The following SND1 variants were observed in gnomAD, a reference collection of about 807,000 sequenced individuals.
SND1 encodes the protein staphylococcal nuclease domain-containing protein 1.
A neutral mutation model predicts 121.7 loss-of-function variants in SND1; 38 were observed. The ratio of observed to expected loss-of-function variants is 0.31; its 90% CI spans 0.24 to 0.41. The LOEUF (loss-of-function observed/expected upper bound fraction) is 0.41, where lower values mean the gene tolerates loss of function less well. Among genes scored for constraint, SND1 ranks in the 10% least tolerant of loss-of-function variants. The pLI, the probability that SND1 is intolerant of heterozygous loss-of-function variation, is 1.00. For synonymous variants in SND1, 401 were observed against 447.4 expected, an observed-to-expected ratio of 0.90 and a Z score of 1.31; for missense variants, 868 against 1,184.6, an observed-to-expected ratio of 0.73 and a Z score of 3.92.
intron 12 of SND1, among the ~76,000 whole-genome samples, chr7:127,887,309 T>G (rs552923154): frequency 6.6e-6 from 1 of 152,188 alleles, no homozygotes; most frequent in East Asian, 1.9e-4. Flanking sequence ...TCCTTTCTAC[T>G]AGAATGCCTC....
chr7:127,889,626 A>ATT (rs71522260), intron 13 of SND1, among the ~76,000 whole-genome samples: 1 of 147,792 alleles, frequency 6.8e-6, no homozygotes, highest in African/African-American at 2.5e-5. Flanking sequence ...CTTTCAAGCT[A>ATT]TTTTTTTTTT....
At position 127,891,013 on chromosome 7, in the gene SND1, A is replaced by T. The variant is rs560503869; in HGVS notation, c.1454+3001A>T. On this transcript the variant is annotated intron_variant, in intron 13 of 23. Coordinates refer to ENST00000354725, the MANE Select transcript of SND1 (RefSeq NM_014390.4). ...ACAGGCCCCATAAAGAATGGGGAGAAATACTCAGCATGAACTGTGAGTGAA... is the reference window on the plus strand; with the variant it reads ...ACAGGCCCCATAAAGAATGGGGAGATATACTCAGCATGAACTGTGAGTGAA... Among the ~76,000 whole-genome samples the T allele has an allele frequency of 9.2e-5, 14 of 152,268 alleles. 1 individual carries two copies. In the South Asian group the frequency reaches 2.7e-3, roughly 29 times the overall value.
In SND1 at chr7:127,857,530, TC is replaced by T. The variant is rs200814346; in HGVS notation, c.1343+13107del. 3.6e-3 allele frequency among the ~76,000 whole-genome samples: 548 copies of T among 150,828 alleles called. 1 individual carries two copies. Among genetic ancestry groups the T allele is most frequent in the Middle Eastern group, 0.028 (8 of 290 alleles). ...TTTGTAAGTGAGGTTTCTTTTTTTT[TC>T]TTCGTAGCACAGTTGGGGGTGTTTA... On this transcript the variant is annotated intron_variant, in intron 12 of 23. Coordinates refer to ENST00000354725, the MANE Select transcript of SND1 (RefSeq NM_014390.4).
At chr7:127,910,593 T>A (rs1165742685) in intron 14 of SND1, among the ~76,000 whole-genome samples, 1 of 152,174 alleles carries the variant, frequency 6.6e-6, no homozygotes, top group Non-Finnish European at 1.5e-5. Context: ...CCACCTAGTT[T>A]AGATTTATTT....
chr7:127,691,309 G>A (rs1285735227), intron 2 of SND1, among the ~76,000 whole-genome samples: 3 of 152,050 alleles, frequency 2.0e-5, no homozygotes, highest in Admixed American at 6.5e-5. Flanking sequence ...TTGGGAGGCC[G>A]AGGCGGGCGG....
intron 16 of SND1, among the ~76,000 whole-genome samples, chr7:128,013,022 C>G (rs879701553): frequency 4.6e-5 from 7 of 152,166 alleles, no homozygotes; most frequent in Non-Finnish European, 8.8e-5. Context: ...CCCTGCACCT[C>G]TGTAGAAGGG....
chr7:127,922,204 G>GTTTTTTTTTTTTTTTTT (rs1563059053), intron 14 of SND1, among the ~76,000 whole-genome samples: 1 of 65,674 alleles, frequency 1.5e-5, no homozygotes, highest in African/African-American at 6.0e-5. Context: ...TTTTTTTTTT[G>GTTTTTTTTTTTTTTTTT]TTTTGTGAGG....
At chr7:127,779,614 A>C (rs955965043) in intron 10 of SND1, among the ~76,000 whole-genome samples, 3 of 152,192 alleles carry the variant, frequency 2.0e-5, no homozygotes, top group Non-Finnish European at 2.9e-5. Flanking sequence ...GACGTTTCTA[A>C]TATGCAGGTC....
intron 12 of SND1, among the ~76,000 whole-genome samples, chr7:127,857,220 T>A (rs1324482840): frequency 3.4e-5 from 4 of 116,790 alleles, no homozygotes; most frequent in African/African-American, 1.3e-4. Context: ...TGAGATGGAG[T>A]CTCACTCTTC....
chr7:128,022,371 G>C (rs1287561850), intron 16 of SND1, among the ~76,000 whole-genome samples: 1 of 152,170 alleles, frequency 6.6e-6, no homozygotes, highest in Non-Finnish European at 1.5e-5. Context: ...TACTATCTTG[G>C]TCCGTCTAGC....
intron 11 of SND1, among the ~76,000 whole-genome samples, chr7:127,821,073 C>T (rs1034086660): frequency 5.9e-5 from 9 of 152,256 alleles, no homozygotes; most frequent in South Asian, 4.1e-4. Context: ...ATGTTCTCAG[C>T]GAGATGATAT....
intron 16 of SND1, among the ~76,000 whole-genome samples, chr7:128,042,745 CT>C (rs1562879973): frequency 2.0e-5 from 3 of 152,222 alleles, no homozygotes; most frequent in African/African-American, 2.4e-5. Flanking sequence ...AGGTAAAATT[CT>C]TTACCAAATT....
At chr7:127,804,670 C>G (rs1798199158) in intron 10 of SND1, among the ~76,000 whole-genome samples, 1 of 151,840 alleles carries the variant, frequency 6.6e-6, no homozygotes, top group African/African-American at 2.4e-5. Flanking sequence ...ACTCAGGAGG[C>G]CGAGATGGGA....
At chr7:127,798,816 G>A (rs1000333554) in intron 10 of SND1, among the ~76,000 whole-genome samples, 8 of 152,090 alleles carry the variant, frequency 5.3e-5, no homozygotes, top group Admixed American at 3.3e-4. Flanking sequence ...AGGCTGAGGC[G>A]GGAGGATCAC....
intron 12 of SND1, among the ~76,000 whole-genome samples, chr7:127,848,276 G>A (rs546596521): frequency 1.3e-5 from 2 of 152,302 alleles, no homozygotes; most frequent in Admixed American, 6.5e-5. Context: ...CACTCTTTGT[G>A]TGCTTGTATT....
chr7:127,658,270 G>A (rs1252905402), intron 1 of SND1, among the ~76,000 whole-genome samples: 1 of 152,130 alleles, frequency 6.6e-6, no homozygotes, highest in Non-Finnish European at 1.5e-5. Flanking sequence ...AACTGAGATC[G>A]AGCCATTGCC....
At chr7:127,669,147 C>A (rs1795471763) in intron 1 of SND1, among the ~76,000 whole-genome samples, 1 of 152,154 alleles carries the variant, frequency 6.6e-6, no homozygotes, top group African/African-American at 2.4e-5. Context: ...CGCTCGACAC[C>A]ACGACCAGCT....
chr7:127,859,269 C>T (rs1799337090), intron 12 of SND1, among the ~76,000 whole-genome samples: 1 of 152,188 alleles, frequency 6.6e-6, no homozygotes, highest in Non-Finnish European at 1.5e-5. Context: ...CTTCCCCACC[C>T]CTACTTAATG....
At chr7:128,086,112 G>A (rs932896361) in intron 20 of SND1, among the ~76,000 whole-genome samples, 2 of 152,220 alleles carry the variant, frequency 1.3e-5, no homozygotes, top group African/African-American at 4.8e-5. Flanking sequence ...CACAGTTCCT[G>A]GTGTTCAAGC....
Sources: gnomAD v4.1 joint callset for allele counts (sites outside exome capture counted in the v4.1 genomes callset) on GRCh38, gnomAD v4.1.1 for gene constraint, MANE v1.5 for transcripts, NCBI Gene and HGNC (gene_info 2026-07-23, HGNC 2026-07-21) for gene names.